SLC16A7: variants seen among roughly 807,000 people sequenced by gnomAD.
SLC16A7 encodes the protein solute carrier family 16 member 7.
A neutral mutation model predicts 34.9 loss-of-function variants in SLC16A7; 33 were observed. The observed-to-expected ratio is 0.94, with a 90% CI of 0.72 to 1.26. The LOEUF (loss-of-function observed/expected upper bound fraction) is 1.26, where lower values mean the gene tolerates loss of function less well. SLC16A7 is among the 50% of genes most tolerant of loss of function. The probability of loss-of-function intolerance (pLI) is 0.00; values close to 1 mark genes in which losing one functional copy is unlikely to be tolerated. For synonymous variants in SLC16A7, 201 were observed against 206.6 expected, an observed-to-expected ratio of 0.97 and a Z score of 0.23; for missense variants, 573 against 578.1, an observed-to-expected ratio of 0.99 and a Z score of 0.09.
chr12:59,599,267 G>A (rs1387166099), intron 1 of SLC16A7, among the ~76,000 whole-genome samples: 4 of 152,198 alleles, frequency 2.6e-5, no homozygotes, highest in Admixed American at 6.5e-5. Flanking sequence ...AGTGTCTCCC[G>A]CCTTCAACAC....
intron 2 of SLC16A7, among the ~76,000 whole-genome samples, chr12:59,699,485 C>T (rs1361952205): frequency 6.6e-6 from 1 of 151,658 alleles, no homozygotes; most frequent in African/African-American, 2.4e-5. Flanking sequence ...TTATGCACTG[C>T]TGGTTTCAGT....
chr12:59,769,866 C>T (rs1185302379), intron 3 of SLC16A7, among the ~76,000 whole-genome samples: 3 of 151,772 alleles, frequency 2.0e-5, no homozygotes, highest in African/African-American at 7.3e-5. Context: ...CTGACCTAAC[C>T]TAGTATTTAT....
intron 2 of SLC16A7, 21 bp from the exon 3 acceptor site, chr12:59,704,751 T>C: frequency 8.0e-7 from 1 of 1,255,014 alleles, no homozygotes; most frequent in South Asian, 1.3e-5. Flanking sequence ...TTTAAACTGT[T>C]ATTTCATTAT....
At chr12:59,766,386 A>C (rs1372682980) in intron 3 of SLC16A7, among the ~76,000 whole-genome samples, 1 of 152,158 alleles carries the variant, frequency 6.6e-6, no homozygotes, top group Non-Finnish European at 1.5e-5. Flanking sequence ...GAGTGGTGAG[A>C]GAGGGCATCC....
chr12:59,739,274 A>G (rs971114303), intron 3 of SLC16A7, among the ~76,000 whole-genome samples: 3 of 133,462 alleles, frequency 2.2e-5, no homozygotes, highest in Admixed American at 8.3e-5. Flanking sequence ...ATTCCCACCT[A>G]TGAGTGAGAA....
chr12:59,673,095 C>T (rs556897097), intron 2 of SLC16A7, among the ~76,000 whole-genome samples: 2 of 152,164 alleles, frequency 1.3e-5, no homozygotes, highest in Admixed American at 6.5e-5. Context: ...TTTCCATCGC[C>T]TCTATAATAA....
At position 59,780,397 on chromosome 12, in the gene SLC16A7, A is replaced by T. The variant is rs1306380592; in HGVS notation, c.*718A>T. Reference sequence around the variant, plus strand: ...TATATAAGTTTGACAAAGAAAAGAAAATCAATGTTAAACCATTAAATCTGA... The same window carrying T: ...TATATAAGTTTGACAAAGAAAAGAATATCAATGTTAAACCATTAAATCTGA... On this transcript the variant is annotated 3_prime_UTR_variant, in exon 6 of 6. Transcript: ENST00000547379. The T allele has an allele frequency of 6.6e-6, 1 of 152,106 alleles. No homozygotes were observed. Among genetic ancestry groups the T allele is most frequent in the East Asian group, 1.9e-4 (1 of 5,198 alleles). The allele number at this position is 152,106 out of a possible 1,614,324, so 9.4% of individuals were successfully genotyped here.
intron 1 of SLC16A7, among the ~76,000 whole-genome samples, chr12:59,633,526 T>TA (rs1331877475): frequency 2.0e-5 from 3 of 151,966 alleles, no homozygotes; most frequent in African/African-American, 4.8e-5. Context: ...TTGCCACACT[T>TA]ACTACAAAAG....
At chr12:59,720,698 C>G (rs1345693003) in intron 3 of SLC16A7, among the ~76,000 whole-genome samples, 1 of 152,046 alleles carries the variant, frequency 6.6e-6, no homozygotes, top group Admixed American at 6.6e-5. Context: ...TTGTCATTAT[C>G]AATAGCTTTC....
chr12:59,760,272 G>T (rs11173134), intron 3 of SLC16A7, among the ~76,000 whole-genome samples: 32,788 of 151,896 alleles, frequency 0.22, 3,668 homozygotes, highest in East Asian at 0.31. Context: ...TATGAATGTT[G>T]TCTTACCTTT....
intron 3 of SLC16A7, among the ~76,000 whole-genome samples, chr12:59,706,671 G>C (rs1008562636): frequency 6.6e-6 from 1 of 152,094 alleles, no homozygotes; most frequent in Non-Finnish European, 1.5e-5. Flanking sequence ...CCTGTATCCT[G>C]TGGGACAGGT....
chr12:59,767,298 T>G (rs1364102599), intron 3 of SLC16A7, among the ~76,000 whole-genome samples: 2 of 151,926 alleles, frequency 1.3e-5, no homozygotes, highest in East Asian at 3.9e-4. Flanking sequence ...ATCCTGAAGA[T>G]CTAGCTAAGA....
In SLC16A7 at chr12:59,643,672, A is replaced by G. The variant is rs1880784660; in HGVS notation, c.-129-11480A>G. ...TATAATTAGATTTACAATATAGCTTACTGTAATTCAAGAAGATGCTTAAAA... is the reference window on the plus strand; with the variant it reads ...TATAATTAGATTTACAATATAGCTTGCTGTAATTCAAGAAGATGCTTAAAA... On this transcript the variant is annotated intron_variant, in intron 1 of 5. Transcript: ENST00000547379. Among the ~76,000 whole-genome samples, 6 of 152,318 alleles carry G rather than the reference A, an allele frequency of 3.9e-5. No homozygotes were observed. The South Asian group carries it at 1.2e-3, about 32-fold the overall frequency.
Position 59,785,213 on chromosome 12 carries a change from C to G in SLC16A7, c.*5534C>G, listed in dbSNP as rs1474736950. Reference sequence around the variant, plus strand: ...TGAGTAATTTTCTGAGCTTATGTCACTTTTTTATAGTTCTGATTTTCTCTT... The same window carrying G: ...TGAGTAATTTTCTGAGCTTATGTCAGTTTTTTATAGTTCTGATTTTCTCTT... On this transcript the variant is annotated 3_prime_UTR_variant, in exon 6 of 6. Coordinates refer to ENST00000547379, the MANE Select transcript of SLC16A7 (RefSeq NM_001270623.2). 6.6e-6 allele frequency: 1 copy of G among 152,058 alleles called. No homozygotes were observed. The highest frequency in any genetic ancestry group is 2.4e-5 in the African/African-American group (1 of 41,400). The allele number at this position is 152,058 out of a possible 1,614,324, so 9.4% of individuals were successfully genotyped here. A position where few individuals can be genotyped will look rare whatever the true frequency, so the allele number is the denominator to read the frequency against.
intron 3 of SLC16A7, among the ~76,000 whole-genome samples, chr12:59,743,077 G>A (rs1878516192): frequency 6.6e-6 from 1 of 152,138 alleles, no homozygotes; most frequent in Non-Finnish European, 1.5e-5. Flanking sequence ...AAGAAGCAAT[G>A]CTTGAGGTAC....
intron 2 of SLC16A7, among the ~76,000 whole-genome samples, chr12:59,702,854 A>C (rs776266087): frequency 1.3e-5 from 2 of 151,610 alleles, no homozygotes; most frequent in Non-Finnish European, 2.9e-5. Flanking sequence ...TTCTAATTCT[A>C]TTTATATTAT....
At chr12:59,669,259 A>G (rs1869468351) in intron 2 of SLC16A7, among the ~76,000 whole-genome samples, 1 of 152,226 alleles carries the variant, frequency 6.6e-6, no homozygotes, top group Non-Finnish European at 1.5e-5. Flanking sequence ...ATTCATTTCA[A>G]GGTTGAAACA....
chr12:59,732,037 A>G (rs771643805), intron 3 of SLC16A7, among the ~76,000 whole-genome samples: 23 of 152,000 alleles, frequency 1.5e-4, no homozygotes, highest in Non-Finnish European at 2.8e-4. Flanking sequence ...AGGTCTTTAT[A>G]CAATGAAAAG....
At position 59,636,418 on chromosome 12, in the gene SLC16A7, CT is replaced by C. The variant is rs894636355; in HGVS notation, c.-129-18726del. Among the ~76,000 whole-genome samples the C allele has an allele frequency of 6.5e-4, 99 of 152,014 alleles. 1 individual carries two copies. Among genetic ancestry groups the C allele is most frequent in the African/African-American group, 2.1e-3 (87 of 41,496 alleles). On this transcript the variant is annotated intron_variant, in intron 1 of 5. Coordinates refer to ENST00000547379, the MANE Select transcript of SLC16A7 (RefSeq NM_001270623.2). ...TTCTACAGAATGTTCAGGCAACATA[CT>C]TTTTTTTACATCTGGTGACAAAAAT...
Sources: gnomAD v4.1 joint callset for allele counts (sites outside exome capture counted in the v4.1 genomes callset) on GRCh38, gnomAD v4.1.1 for gene constraint, MANE v1.5 for transcripts, NCBI Gene and HGNC (gene_info 2026-07-23, HGNC 2026-07-21) for gene names.